The following SCML2 variants were observed in gnomAD, a reference collection of about 807,000 sequenced individuals.
The protein encoded by SCML2 is sex comb on midleg-like protein 2.
A neutral mutation model predicts 48.4 loss-of-function variants in SCML2; 6 were observed. That is an observed-to-expected ratio of 0.12 (90% CI 0.07 to 0.24). SCML2 has a LOEUF of 0.24. Among genes scored for constraint, SCML2 ranks in the 10% least tolerant of loss-of-function variants. The pLI is 1.00. For missense variants in SCML2, 377 were observed against 528.2 expected (o/e 0.71, Z 2.81); for synonymous variants, 181 against 189.5 (o/e 0.95, Z 0.37).
chrX:18,286,808 G>A (rs1264007138), intron 7 of SCML2, among the ~76,000 whole-genome samples: 1 of 111,190 alleles, frequency 9.0e-6, no homozygotes, highest in Non-Finnish European at 1.9e-5. Flanking sequence ...TCAAAGATTT[G>A]TTTTGCAACT....
At chrX:18,246,860 C>T in intron 12 of SCML2, 32 bp from the exon 13 acceptor site, 1 of 1,153,914 alleles carries the variant, frequency 8.7e-7, no homozygotes, top group Non-Finnish European at 1.2e-6. Flanking sequence ...AGGCTATCTT[C>T]AATAGACTTA....
At chrX:18,318,119 G>T (rs993388430) in intron 6 of SCML2, among the ~76,000 whole-genome samples, 1 of 112,614 alleles carries the variant, frequency 8.9e-6, no homozygotes, top group Non-Finnish European at 1.9e-5. Context: ...AAGCTAATAG[G>T]TGTTCAATAA....
chrX:18,304,886 C>T, intron 7 of SCML2, 86 bp downstream of exon 7: 1 of 1,066,854 alleles, frequency 9.4e-7, no homozygotes, highest in East Asian at 3.0e-5. Context: ...CCACCTGGTA[C>T]CACCAACGCT....
chrX:18,311,780 GTTTT>G (rs1443795486), intron 6 of SCML2, among the ~76,000 whole-genome samples: 2 of 104,182 alleles, frequency 1.9e-5, no homozygotes, highest in African/African-American at 7.1e-5. Flanking sequence ...ACTTATGTGG[GTTTT>G]TTGTTTGTTT....
intron 1 of SCML2, among the ~76,000 whole-genome samples, chrX:18,352,731 C>T (rs1303242017): frequency 8.9e-6 from 1 of 111,898 alleles, no homozygotes; most frequent in Non-Finnish European, 1.9e-5. Flanking sequence ...GACTGATCAA[C>T]CACCTCATGA....
At chrX:18,288,685 T>C (rs962686954) in intron 7 of SCML2, among the ~76,000 whole-genome samples, 4 of 112,184 alleles carry the variant, frequency 3.6e-5, no homozygotes, top group Non-Finnish European at 7.5e-5. Flanking sequence ...AAAAAAACTT[T>C]TGCAGTAATT....
Position 18,258,105 on chromosome X carries a change from A to G in SCML2, c.1212T>C (p.Leu404=). ...GGTATCCAAAAACAGTTTTAGTTTC[A>G]AGGGCACAATCCACACAGGCCTGCA... ...RIVQACVDCA[L]ETKTVFGYLK... The change falls in exon 10 of 15, where the codon CTT becomes CTC. Residue 404 remains leucine, a synonymous_variant. Transcript: ENST00000251900. 8.3e-7 allele frequency: 1 copy of G among 1,211,642 alleles called. No homozygotes were observed. Among genetic ancestry groups the G allele is most frequent in the Non-Finnish European group, 1.1e-6 (1 of 895,413 alleles).
Position 18,341,463 on chromosome X carries a change from G to C in SCML2, c.-24-7368C>G, listed in dbSNP as rs191341387. On this transcript the variant is annotated intron_variant, in intron 1 of 14. Coordinates refer to ENST00000251900, the MANE Select transcript of SCML2 (RefSeq NM_006089.3). Reference sequence around the variant, plus strand: ...TGTGACGTGAACCTGGGCACTCCGTGCTGATGCCACCAGCCTGAGGGTCCC... The same window carrying C: ...TGTGACGTGAACCTGGGCACTCCGTCCTGATGCCACCAGCCTGAGGGTCCC... 3.3e-3 allele frequency: 493 copies of C among 149,483 alleles called. 1 individual carries two copies. The highest frequency in any genetic ancestry group is 5.3e-3 in the Non-Finnish European group (401 of 75,928). The allele number at this position is 149,483 out of a possible 1,213,427, so 12.3% of individuals were successfully genotyped here.
rs41309701 is a variant in SCML2 at position 18,241,021 on chromosome X, T to C, written c.*230A>G. ...AATATGCCAATACTAACCTGTTAAA[T>C]GCTTTTTAAAGAAGTAGACTGGGGG... On this transcript the variant is annotated 3_prime_UTR_variant, in exon 15 of 15. Transcript: ENST00000251900. 0.055 allele frequency: 11,597 copies of C among 210,904 alleles called. 334 individuals carry two copies. Among genetic ancestry groups the C allele is most frequent in the Non-Finnish European group, 0.076 (8,753 of 115,229 alleles). 17.4% of individuals were successfully genotyped at this position (210,904 alleles called of 1,213,427 possible).
chrX:18,255,454 C>T (rs1218836767), intron 11 of SCML2, among the ~76,000 whole-genome samples: 2 of 112,149 alleles, frequency 1.8e-5, no homozygotes, highest in Middle Eastern at 4.2e-3. Flanking sequence ...CTGTGCTCTC[C>T]ATGCCACTGC....
chrX:18,282,672 C>G (rs368583421), intron 7 of SCML2, among the ~76,000 whole-genome samples: 1 of 111,302 alleles, frequency 9.0e-6, no homozygotes, highest in Non-Finnish European at 1.9e-5. Context: ...CAAAACTCTA[C>G]ACACACAAAT....
chrX:18,293,467 G>A (rs1928297989), intron 7 of SCML2, among the ~76,000 whole-genome samples: 1 of 111,787 alleles, frequency 8.9e-6, no homozygotes, highest in Non-Finnish European at 1.9e-5. Flanking sequence ...ACAGATTGTG[G>A]CAGCAGTGGG....
At chrX:18,302,470 C>T (rs1928624956) in intron 7 of SCML2, among the ~76,000 whole-genome samples, 2 of 111,154 alleles carry the variant, frequency 1.8e-5, no homozygotes, top group African/African-American at 6.6e-5. Flanking sequence ...AACAACTGAG[C>T]CCCACTTCGA....
chrX:18,285,350 C>T (rs1328494186), intron 7 of SCML2, among the ~76,000 whole-genome samples: 2 of 108,705 alleles, frequency 1.8e-5, no homozygotes, highest in Non-Finnish European at 3.8e-5. Context: ...GGTACATATA[C>T]ACCATGGAAT....
intron 4 of SCML2, among the ~76,000 whole-genome samples, chrX:18,324,424 C>G (rs1929417614): frequency 8.9e-6 from 1 of 111,781 alleles, no homozygotes; most frequent in Non-Finnish European, 1.9e-5. Context: ...CAGCTCACCA[C>G]TGCCTATAAT....
intron 11 of SCML2, among the ~76,000 whole-genome samples, chrX:18,249,564 AC>A (rs1012643185): frequency 8.1e-5 from 9 of 111,597 alleles, no homozygotes; most frequent in Admixed American, 4.8e-4. Flanking sequence ...CAACTGTTTA[AC>A]TTTGCAGCTG....
chrX:18,243,367 C>A (rs961218182), intron 13 of SCML2, among the ~76,000 whole-genome samples: 7 of 112,207 alleles, frequency 6.2e-5, no homozygotes, highest in African/African-American at 2.3e-4. Context: ...GCCACCATAC[C>A]TGGCTAAATT....
In SCML2 at chrX:18,269,318, A is replaced by G. The variant is rs989846271; in HGVS notation, c.731-3516T>C. Among the ~76,000 whole-genome samples, 24 of 111,093 alleles carry G rather than the reference A, an allele frequency of 2.2e-4. No homozygotes were observed. In the Admixed American group the frequency reaches 2.2e-3, roughly 10 times the overall value. On this transcript the variant is annotated intron_variant, in intron 7 of 14. Coordinates refer to ENST00000251900, the MANE Select transcript of SCML2 (RefSeq NM_006089.3). ...TCCCCCATGCTGTTCTCGTGATAGT[A>G]AGAGAGTTCTCACGAGATCTGATGG...
chrX:18,308,877 CTCAG>C (rs1320364445), intron 6 of SCML2, among the ~76,000 whole-genome samples: 5 of 111,231 alleles, frequency 4.5e-5, no homozygotes, highest in Admixed American at 9.6e-5. Flanking sequence ...GAAAAAAATG[CTCAG>C]TATCACTAAT....
Sources: allele counts gnomAD v4.1 joint callset (sites outside exome capture counted in the v4.1 genomes callset), GRCh38; gene constraint gnomAD v4.1.1; transcripts MANE v1.5; gene names NCBI Gene and HGNC (gene_info 2026-07-23, HGNC 2026-07-21).